Variants in TMEM52 observed in about 807,000 individuals in gnomAD.
The protein encoded by TMEM52 is transmembrane protein 52.
TMEM52 carries 14 observed loss-of-function variants against 16.2 expected under a neutral mutation model. That is an observed-to-expected ratio of 0.87 (90% CI 0.57 to 1.35). TMEM52 has a LOEUF of 1.35. TMEM52 is among the 40% of genes most tolerant of loss of function. The pLI, the probability that TMEM52 is intolerant of heterozygous loss-of-function variation, is 0.00. For missense variants in TMEM52, 309 were observed against 278.6 expected (o/e 1.11, Z -0.78); for synonymous variants, 136 against 124.7 (o/e 1.09, Z -0.60).
At position 1,919,248 on chromosome 1, in the gene TMEM52, C is replaced by T. The variant is rs1369240412; in HGVS notation, c.18G>A (p.Leu6=). ...GCAGCAGCCGCAGTCCGCGGGCGGC[C>T]AGCGGCCCCCGGGCCATGCTCTGAG... The part of the protein sequence containing the change: MARGP[L]AARGLRLLLP... Residue 6 remains leucine (L), a synonymous_variant, in exon 1 of 5, where the codon CTG becomes CTA. Coordinates refer to ENST00000310991, the MANE Select transcript of TMEM52 (RefSeq NM_178545.4). 2.9e-6 allele frequency: 4 copies of T among 1,366,286 alleles called. No homozygotes were observed. The Admixed American group carries it at 1.6e-4, about 55-fold the overall frequency. The allele number at this position is 1,366,286 out of a possible 1,614,324, so 84.6% of individuals were successfully genotyped here.
chr1:1,919,259 G>A lies in TMEM52; in HGVS notation c.7C>T (p.Arg3Trp), dbSNP rs1651263048. Residue 3 changes from arginine (R) to tryptophan (W), a missense_variant, in exon 1 of 5, where the codon CGG becomes TGG. Physicochemically the swap from Arg to Trp is moderately radical, Grantham distance 101. Transcript: ENST00000310991. ...AGTCCGCGGGCGGCCAGCGGCCCCC[G>A]GGCCATGCTCTGAGGAGGTTGGAGC... MA[R>W]GPLAARGLRL... is the part of the protein sequence containing the mutation. The A allele has an allele frequency of 3.7e-6, 5 of 1,367,492 alleles. No individual in the cohort carries two copies. Among genetic ancestry groups the A allele is most frequent in the South Asian group, 3.4e-5 (2 of 58,588 alleles). The allele number at this position is 1,367,492 out of a possible 1,614,324, so 84.7% of individuals were successfully genotyped here.
In TMEM52 at chr1:1,919,086, C is replaced by T; in HGVS notation, c.87G>A (p.Val29=). 1 of 1,345,136 alleles carries T rather than the reference C, an allele frequency of 7.4e-7. No homozygotes were observed. Among genetic ancestry groups the T allele is most frequent in the Non-Finnish European group, 9.5e-7 (1 of 1,052,540 alleles). The allele number at this position is 1,345,136 out of a possible 1,614,324, so 83.3% of individuals were successfully genotyped here. Residue 29 remains valine (V), a splice_region_variant and synonymous_variant, in exon 2 of 5, where the codon GTG becomes GTA. Coordinates refer to ENST00000310991, the MANE Select transcript of TMEM52 (RefSeq NM_178545.4). ...AGCTGCCGTCCGCGAAGCCCAGCGCCACCTGTGGGGACAAGGGTGAGCCCG... is the reference window on the plus strand; with the variant it reads ...AGCTGCCGTCCGCGAAGCCCAGCGCTACCTGTGGGGACAAGGGTGAGCCCG... The part of the protein sequence containing the change: ...PLLPLLPLPQ[V]ALGFADGSCD...
Sources: allele counts gnomAD v4.1 joint callset, GRCh38; gene constraint gnomAD v4.1.1; transcripts MANE v1.5; gene names NCBI Gene and HGNC (gene_info 2026-07-23, HGNC 2026-07-21).